Variants in CERT1 observed in about 807,000 individuals in gnomAD.
CERT1 encodes ceramide transfer protein.
In CERT1, 31 loss-of-function variants were observed where a neutral mutation model predicts 87.9. That is an observed-to-expected ratio of 0.35 (90% CI 0.27 to 0.48). The LOEUF (loss-of-function observed/expected upper bound fraction) is 0.48. Among genes scored for constraint, CERT1 ranks in the 20% least tolerant of loss-of-function variants. The probability of loss-of-function intolerance (pLI) is 0.99; values close to 1 mark genes in which losing one functional copy is unlikely to be tolerated. For synonymous variants in CERT1, 289 were observed against 250.9 expected, an observed-to-expected ratio of 1.15 and a Z score of -1.44; for missense variants, 487 against 758.0, an observed-to-expected ratio of 0.64 and a Z score of 4.20.
At chr5:75,407,598 A>G (rs1762758609) in intron 8 of CERT1, among the ~76,000 whole-genome samples, 1 of 152,242 alleles carries the variant, frequency 6.6e-6, no homozygotes, top group South Asian at 2.1e-4. Flanking sequence ...TAATCGTAAA[A>G]AAGAAACGTG....
rs536037292 is a variant in CERT1, at chr5:75,511,428, C to T, written c.-221G>A. 37 of 1,541,404 alleles carry T rather than the reference C, an allele frequency of 2.4e-5. No homozygotes were observed. The South Asian group carries it at 4.2e-4, about 17-fold the overall frequency. ...GAGGACGAGCGGTGAAGGAAGCCTA[C>T]CCTTCCAGCCGTCAGCCGCCGCCGC... On this transcript the variant is annotated 5_prime_UTR_variant, in exon 1 of 17. Transcript: ENST00000643780.
downstream of CERT1, chr5:75,375,627 AAATAAAAT>A (rs1251584092): frequency 1.7e-3 from 236 of 136,896 alleles, 2 homozygotes; most frequent in African/African-American, 7.0e-3. Flanking sequence ...ATAAATAAAT[AAATAAAAT>A]AAATAAAAAT....
intron 3 of CERT1, among the ~76,000 whole-genome samples, chr5:75,440,562 C>T (rs1380254106): frequency 6.6e-6 from 1 of 152,070 alleles, no homozygotes; most frequent in Non-Finnish European, 1.5e-5. Context: ...TTCTACTAAA[C>T]TAGAACATGC....
At chr5:75,501,236 C>A (rs1767355874) in intron 2 of CERT1, among the ~76,000 whole-genome samples, 1 of 152,100 alleles carries the variant, frequency 6.6e-6, no homozygotes, top group African/African-American at 2.4e-5. Context: ...TTGCAGCAAC[C>A]CCCTACCTCA....
chr5:75,484,963 T>C (rs1766438046), intron 2 of CERT1, among the ~76,000 whole-genome samples: 1 of 152,134 alleles, frequency 6.6e-6, no homozygotes, highest in Admixed American at 6.5e-5. Context: ...GACCATATGT[T>C]AGGCCACAAA....
intron 7 of CERT1, among the ~76,000 whole-genome samples, chr5:75,415,639 G>C (rs1763103778): frequency 6.6e-6 from 1 of 152,058 alleles, no homozygotes; most frequent in South Asian, 2.1e-4. Context: ...CTTAGTGAAG[G>C]AAAAAGAGAC....
At chr5:75,458,767 G>A (rs1765108558) in intron 3 of CERT1, among the ~76,000 whole-genome samples, 1 of 152,110 alleles carries the variant, frequency 6.6e-6, no homozygotes, top group African/African-American at 2.4e-5. Context: ...GGCCAGGCTG[G>A]TATTGCTCCT....
chr5:75,387,075 G>A (rs4704213), intron 12 of CERT1, among the ~76,000 whole-genome samples: 16,855 of 151,960 alleles, frequency 0.11, 1,107 homozygotes, highest in South Asian at 0.23. Flanking sequence ...CACCATGTTG[G>A]CCAAGCTGGT....
chr5:75,473,149 T>G (rs1053470914), intron 2 of CERT1, among the ~76,000 whole-genome samples: 1 of 152,168 alleles, frequency 6.6e-6, no homozygotes, highest in East Asian at 1.9e-4. Context: ...GGCATGATCA[T>G]AGCTCACTGC....
chr5:75,456,103 T>C (rs1381398550), intron 3 of CERT1, among the ~76,000 whole-genome samples: 1 of 152,132 alleles, frequency 6.6e-6, no homozygotes, highest in African/African-American at 2.4e-5. Flanking sequence ...TATTCCTTAA[T>C]GATACTGAAG....
At chr5:75,428,609 C>T (rs1001721512) in intron 3 of CERT1, among the ~76,000 whole-genome samples, 1 of 149,936 alleles carries the variant, frequency 6.7e-6, no homozygotes, top group African/African-American at 2.5e-5. Context: ...ACCTGGGAGG[C>T]GGAGCTTGCA....
chr5:75,447,751 G>A (rs185782383), intron 3 of CERT1, among the ~76,000 whole-genome samples: 110 of 151,968 alleles, frequency 7.2e-4, no homozygotes, highest in African/African-American at 2.6e-3. Flanking sequence ...TGGGATAACA[G>A]GTGTGAGCCA....
At chr5:75,409,023 T>C (rs1338411005) in intron 8 of CERT1, among the ~76,000 whole-genome samples, 1 of 152,100 alleles carries the variant, frequency 6.6e-6, no homozygotes, top group African/African-American at 2.4e-5. Flanking sequence ...AACTGTACCA[T>C]ATATTGTTAA....
At position 75,370,045 on chromosome 5, in the gene CERT1, T is replaced by G. The variant is rs947575775; in HGVS notation, c.*10-1387A>C. 2.0e-5 allele frequency: 3 copies of G among 152,350 alleles called. No individual in the cohort carries two copies. The South Asian group carries it at 6.2e-4, about 32-fold the overall frequency. 9.4% of individuals were successfully genotyped at this position (152,350 alleles called of 1,614,324 possible). A position where few individuals can be genotyped will look rare whatever the true frequency, so the allele number is the denominator to read the frequency against. ...AACTACACCTTATTTGCAGGTTATATGCCAAAGTCAAGTCTAAAGAAAAAC... is the reference window on the plus strand; with the variant it reads ...AACTACACCTTATTTGCAGGTTATAGGCCAAAGTCAAGTCTAAAGAAAAAC... On this transcript the variant is annotated intron_variant, in intron 17 of 17. Transcript: ENST00000261415.
At chr5:75,399,787 A>C (rs1338992765) in intron 10 of CERT1, among the ~76,000 whole-genome samples, 1 of 152,230 alleles carries the variant, frequency 6.6e-6, no homozygotes, top group African/African-American at 2.4e-5. Context: ...ACAATATATA[A>C]AACCAAAAAC....
chr5:75,490,538 G>A (rs535060371), intron 2 of CERT1, among the ~76,000 whole-genome samples: 17 of 150,918 alleles, frequency 1.1e-4, no homozygotes, highest in Admixed American at 3.3e-4. Context: ...TCGCTGTGTC[G>A]CCCAGGCTGG....
intron 3 of CERT1, among the ~76,000 whole-genome samples, chr5:75,451,370 C>A (rs1450871836): frequency 6.6e-6 from 1 of 152,030 alleles, no homozygotes; most frequent in African/African-American, 2.4e-5. Flanking sequence ...AATGGCAGAG[C>A]CCCGACTACT....
chr5:75,487,609 G>C (rs1168912158), intron 2 of CERT1, among the ~76,000 whole-genome samples: 1 of 151,976 alleles, frequency 6.6e-6, no homozygotes, highest in Non-Finnish European at 1.5e-5. Flanking sequence ...TATACAAGGA[G>C]ATGAGAGAAG....
At chr5:75,368,500 A>T (rs1214226913) in exon 18 of CERT1, 1 of 152,202 alleles carries the variant, frequency 6.6e-6, no homozygotes, top group Non-Finnish European at 1.5e-5. Context: ...GTGAATCCAA[A>T]GCTCGCTTTA....
Sources: gnomAD v4.1 joint callset for allele counts (sites outside exome capture counted in the v4.1 genomes callset) on GRCh38, gnomAD v4.1.1 for gene constraint, MANE v1.5 for transcripts, NCBI Gene and HGNC (gene_info 2026-07-23, HGNC 2026-07-21) for gene names.